The following OR1L6 variants were observed in gnomAD, a reference collection of about 807,000 sequenced individuals.
OR1L6 encodes the protein olfactory receptor 1L6.
In OR1L6, 2 loss-of-function variants were observed where a neutral mutation model predicts 3.0. The ratio of observed to expected loss-of-function variants is 0.68; its 90% confidence interval spans 0.28 to 2.13. The LOEUF (loss-of-function observed/expected upper bound fraction) is 2.13, where lower values mean the gene tolerates loss of function less well. OR1L6 is among the 30% of genes most tolerant of loss of function. The pLI, the probability that OR1L6 is intolerant of heterozygous loss-of-function variation, is 0.14. For synonymous variants in OR1L6, 121 were observed against 148.4 expected (o/e 0.82, Z 1.34); for missense variants, 304 against 378.4 (o/e 0.80, Z 1.63).
chr9:122,744,105 C>T (rs1019010848), intron 1 of OR1L6, among the ~76,000 whole-genome samples: 8 of 152,312 alleles, frequency 5.3e-5, no homozygotes, highest in South Asian at 2.1e-4. Context: ...GTACTTCAAA[C>T]GTAGTGTAAT....
intron 1 of OR1L6, among the ~76,000 whole-genome samples, chr9:122,747,528 T>C (rs1828848163): frequency 6.6e-6 from 1 of 152,064 alleles, no homozygotes; most frequent in Admixed American, 6.5e-5. Flanking sequence ...TTGAGAAGAA[T>C]TAACATTTTT....
chr9:122,742,736 T>C (rs987139076), intron 1 of OR1L6, among the ~76,000 whole-genome samples: 1 of 152,182 alleles, frequency 6.6e-6, no homozygotes, highest in African/African-American at 2.4e-5. Flanking sequence ...TGGCTGTGTG[T>C]TCTTAGGCAA....
Position 122,750,688 on chromosome 9 carries a change from G to T in OR1L6, c.841G>T (p.Val281Leu). 6.2e-7 allele frequency: 1 copy of T among 1,613,962 alleles called. No individual in the cohort carries two copies. The highest frequency in any genetic ancestry group is 8.5e-7 in the Non-Finnish European group (1 of 1,180,040). Residue 281 changes from valine (V) to leucine (L), a missense_variant, in exon 2 of 2, where the codon GTA becomes TTA. By Grantham distance (32) the Val-to-Leu change is conservative (BLOSUM62 1). Around this residue, in one of 3 missense-constraint regions of OR1L6, gnomAD observed 91 missense variants for 87.8 expected, o/e 1.04. Coordinates refer to ENST00000304720, the MANE Select transcript of OR1L6 (RefSeq NM_001004453.3). ...CCGGGTAGCCACAGTTATGTACACA[G>T]TAGTGACACCCATGCTGAACCCTTT... ...RDRVATVMYT[V>L]VTPMLNPFIY...
At chr9:122,745,310 T>C (rs1392413994) in intron 1 of OR1L6, among the ~76,000 whole-genome samples, 1 of 152,054 alleles carries the variant, frequency 6.6e-6, no homozygotes, top group Non-Finnish European at 1.5e-5. Context: ...TATATAGATC[T>C]ATGCAGAGAA....
Position 122,750,168 on chromosome 9 carries a change from A to G in OR1L6, c.321A>G (p.Ala107=). 1 of 1,613,548 alleles carries G rather than the reference A, an allele frequency of 6.2e-7. No individual in the cohort carries two copies. The highest frequency in any genetic ancestry group is 1.1e-5 in the South Asian group (1 of 91,060). ...TGGCCCAGATGTACTTCTTTATGGC[A>G]TTTGGGAACACTGACAGCTACCTGC... The part of the protein sequence containing the change: ...GCLAQMYFFM[A]FGNTDSYLLA... Residue 107 remains alanine, a synonymous_variant, in exon 2 of 2, where the codon GCA becomes GCG. Coordinates refer to ENST00000304720, the MANE Select transcript of OR1L6 (RefSeq NM_001004453.3).
intron 1 of OR1L6, among the ~76,000 whole-genome samples, chr9:122,746,966 T>A (rs1163524181): frequency 1.3e-5 from 2 of 152,146 alleles, no homozygotes; most frequent in Non-Finnish European, 1.5e-5. Flanking sequence ...TGTTCTTCAT[T>A]TCATTTCTTG....
At chr9:122,746,249 A>C (rs755066602) in intron 1 of OR1L6, among the ~76,000 whole-genome samples, 46 of 152,154 alleles carry the variant, frequency 3.0e-4, no homozygotes, top group Non-Finnish European at 6.0e-4. Context: ...TAAATTACTT[A>C]ATTTTGCTAC....
Position 122,750,075 on chromosome 9 carries a change from A to G in OR1L6, c.228A>G (p.Thr76=). 1 of 1,614,114 alleles carries G rather than the reference A, an allele frequency of 6.2e-7. No homozygotes were observed. The highest frequency in any genetic ancestry group is 8.5e-7 in the Non-Finnish European group (1 of 1,180,022). Residue 76 remains threonine, a synonymous_variant, in exon 2 of 2, where the codon ACA becomes ACG. Transcript: ENST00000304720. ...NLSFMDICFT[T]VIVPKMLVNF... The stretch of plus-strand genomic sequence containing the variant: ...CTTTCATGGATATCTGCTTCACAAC[A>G]GTCATAGTGCCTAAGATGCTGGTGA...
chr9:122,749,969 T>C lies in OR1L6; in HGVS notation c.122T>C (p.Val41Ala). ...IFLIMYLLAA[V>A]GNVLIIPAIY... ...CTCATCATGTACCTGCTCGCTGCGG[T>C]GGGGAATGTGCTCATCATCCCGGCC... Residue 41 changes from valine (V) to alanine (A), a missense_variant, in exon 2 of 2, where the codon GTG becomes GCG. Physicochemically the swap from Val to Ala is moderately conservative, Grantham distance 64. Around this residue, in one of 3 missense-constraint regions of OR1L6, gnomAD observed 192 missense variants for 242.7 expected, o/e 0.79. Coordinates refer to ENST00000304720, the MANE Select transcript of OR1L6 (RefSeq NM_001004453.3). 6.2e-7 allele frequency: 1 copy of C among 1,614,148 alleles called. No homozygotes were observed. The highest frequency in any genetic ancestry group is 8.5e-7 in the Non-Finnish European group (1 of 1,180,026).
Position 122,749,944 on chromosome 9 carries a change from C to A in OR1L6, c.97C>A (p.Leu33Ile). ...QLQKPLFAIF[L>I]IMYLLAAVGN... ...GCAGAAACCTCTCTTTGCCATCTTC[C>A]TCATCATGTACCTGCTCGCTGCGGT... Residue 33 changes from leucine to isoleucine, a missense_variant, in exon 2 of 2, where the codon CTC (leucine) becomes ATC (isoleucine). By Grantham distance (5) the Leu-to-Ile change is conservative. This residue lies in a region of OR1L6 where 192 missense variants were observed against 242.7 expected (regional missense o/e 0.79). Coordinates refer to ENST00000304720, the MANE Select transcript of OR1L6 (RefSeq NM_001004453.3). The A allele has an allele frequency of 6.2e-7, 1 of 1,614,144 alleles. No homozygotes were observed. Among genetic ancestry groups the A allele is most frequent in the Non-Finnish European group, 8.5e-7 (1 of 1,180,028 alleles).
At position 122,750,030 on chromosome 9, in the gene OR1L6, C is replaced by A; in HGVS notation, c.183C>A (p.Tyr61Ter). Reference protein sequence around the residue: ...YSDPRLHTPMYFFLSNLSFMD... With the variant: ...YSDPRLHTPM The stretch of plus-strand genomic sequence containing the variant: ...ACCCCAGGCTCCACACCCCTATGTA[C>A]TTTTTTCTCAGCAACTTGTCTTTCA... Residue 61 changes from tyrosine to a stop codon, truncating the protein, a stop_gained, in exon 2 of 2, where the codon TAC (tyrosine) becomes TAA (stop). Coordinates refer to ENST00000304720, the MANE Select transcript of OR1L6 (RefSeq NM_001004453.3). LOFTEE classifies it low-confidence loss of function (END_TRUNC). 1.2e-6 allele frequency: 2 copies of A among 1,614,164 alleles called. No individual in the cohort carries two copies. The highest frequency in any genetic ancestry group is 1.7e-6 in the Non-Finnish European group (2 of 1,180,022).
chr9:122,747,717 T>C (rs1407745193), intron 1 of OR1L6, among the ~76,000 whole-genome samples: 1 of 152,088 alleles, frequency 6.6e-6, no homozygotes, highest in Non-Finnish European at 1.5e-5. Context: ...CTAATATAAG[T>C]ATTAATATTT....
At chr9:122,742,563 A>G (rs1564247935) in intron 1 of OR1L6, among the ~76,000 whole-genome samples, 190 bp downstream of exon 1, 1 of 152,174 alleles carries the variant, frequency 6.6e-6, no homozygotes, top group Non-Finnish European at 1.5e-5. Flanking sequence ...ACTTTGTTCA[A>G]GACACTTTCT....
intron 1 of OR1L6, among the ~76,000 whole-genome samples, chr9:122,744,708 G>T (rs932073171): frequency 1.3e-5 from 2 of 152,140 alleles, no homozygotes; most frequent in Admixed American, 1.3e-4. Flanking sequence ...TATTGTATGA[G>T]CAGTTATGCT....
rs2118911742 is a variant in OR1L6, at chr9:122,750,116, C to A, written c.269C>A (p.Thr90Lys). The change falls in exon 2 of 2, where the codon ACA (threonine) becomes AAA (lysine). Residue 90 changes from threonine (T) to lysine (K), a missense_variant. Around this residue, in one of 3 missense-constraint regions of OR1L6, gnomAD observed 192 missense variants for 242.7 expected, o/e 0.79. Transcript: ENST00000304720. ...PKMLVNFLSETKVISYVGCLA... is the reference protein window; with the variant it reads ...PKMLVNFLSEKKVISYVGCLA... ...ATGCTGGTGAATTTTCTATCAGAGA[C>A]AAAGGTTATCTCCTATGTGGGCTGC... 6.2e-7 allele frequency: 1 copy of A among 1,613,948 alleles called. No homozygotes were observed. Among genetic ancestry groups the A allele is most frequent in the Non-Finnish European group, 8.5e-7 (1 of 1,179,874 alleles).
chr9:122,749,839 T>G lies in OR1L6; in HGVS notation c.-9T>G. 1 of 1,614,130 alleles carries G rather than the reference T, an allele frequency of 6.2e-7. No individual in the cohort carries two copies. Among genetic ancestry groups the G allele is most frequent in the Non-Finnish European group, 8.5e-7 (1 of 1,179,958 alleles). On this transcript the variant is annotated 5_prime_UTR_variant, in exon 2 of 2. Transcript: ENST00000304720. ...GCTTCTCCAAACCCTATCCAGGAAG[T>G]CCAGAGACATGGAGATAAAGAACTA...
chr9:122,749,176 A>G (rs959122211), intron 1 of OR1L6, among the ~76,000 whole-genome samples: 5 of 152,216 alleles, frequency 3.3e-5, no homozygotes, highest in African/African-American at 1.2e-4. Context: ...TATATTTTGA[A>G]GTCAGGTAAT....
At chr9:122,745,466 G>A (rs902854794) in intron 1 of OR1L6, among the ~76,000 whole-genome samples, 1 of 125,640 alleles carries the variant, frequency 8.0e-6, no homozygotes, top group Non-Finnish European at 1.6e-5. Context: ...AGACTGGAGT[G>A]CAGTGGCGTG....
chr9:122,743,482 A>C (rs546326671), intron 1 of OR1L6, among the ~76,000 whole-genome samples: 1 of 152,350 alleles, frequency 6.6e-6, no homozygotes, highest in South Asian at 2.1e-4. Context: ...AAAAGAGAAG[A>C]AGCCAGCCTA....
Sources: allele counts gnomAD v4.1 joint callset (sites outside exome capture counted in the v4.1 genomes callset), GRCh38; gene constraint gnomAD v4.1.1; regional missense constraint gnomAD v4.1.1; transcripts MANE v1.5; gene names NCBI Gene and HGNC (gene_info 2026-07-23, HGNC 2026-07-21).